Variants in AHCYL1 observed in about 807,000 individuals in gnomAD.
The protein encoded by AHCYL1 is S-adenosylhomocysteine hydrolase-like protein 1.
Under a neutral mutation model 79.3 loss-of-function variants are expected in AHCYL1, and 20 were observed. That is an observed-to-expected ratio of 0.25 (90% CI 0.18 to 0.37). The LOEUF (loss-of-function observed/expected upper bound fraction) is 0.37. Ranked by LOEUF, AHCYL1 falls within the 10% of genes least tolerant of loss-of-function variation. The probability of loss-of-function intolerance (pLI) is 1.00; values close to 1 mark genes in which losing one functional copy is unlikely to be tolerated. For missense variants in AHCYL1, 330 were observed against 673.6 expected, an observed-to-expected ratio of 0.49 and a Z score of 5.65; for synonymous variants, 223 against 242.2, an observed-to-expected ratio of 0.92 and a Z score of 0.74.
chr1:110,017,414 C>T (rs1651487678), intron 9 of AHCYL1, 81 bp from the exon 10 acceptor site: 3 of 1,318,340 alleles, frequency 2.3e-6, no homozygotes, highest in East Asian at 2.3e-5. Flanking sequence ...AAGGTTAATT[C>T]CTGTCTCACA....
chr1:110,003,013 C>T (rs779818343), intron 1 of AHCYL1, among the ~76,000 whole-genome samples: 1 of 151,982 alleles, frequency 6.6e-6, no homozygotes, highest in Non-Finnish European at 1.5e-5. Context: ...ATTGGAGAGA[C>T]TGTTCTAGAT....
rs1650233357 is a variant in AHCYL1, at chr1:110,000,197, G to GA, written c.121-8831dup. ...TCCCCAGTGACCAAAAGAGGAAAAAGAAAAAATCAGTGGCCAATTTGACCA... is the reference window on the plus strand; with the variant it reads ...TCCCCAGTGACCAAAAGAGGAAAAAGAAAAAAATCAGTGGCCAATTTGACCA... On this transcript the variant is annotated intron_variant, in intron 1 of 16. Transcript: ENST00000369799. Among the ~76,000 whole-genome samples the GA allele has an allele frequency of 7.2e-5, 11 of 152,220 alleles. 1 individual carries two copies. The highest frequency in any genetic ancestry group is 7.2e-4 in the Admixed American group (11 of 15,298).
intron 1 of AHCYL1, among the ~76,000 whole-genome samples, chr1:109,998,778 A>G (rs1053764980): frequency 6.6e-6 from 1 of 152,218 alleles, no homozygotes; most frequent in Admixed American, 6.5e-5. Context: ...GAGCCTGGCC[A>G]TAAAAATTCT....
At chr1:110,014,687 C>A in intron 5 of AHCYL1, 76 bp from the exon 6 acceptor site, 1 of 1,123,602 alleles carries the variant, frequency 8.9e-7, no homozygotes, top group Non-Finnish European at 1.3e-6. Flanking sequence ...TTTCTCTTCA[C>A]ATGGATCTCA....
intron 1 of AHCYL1, chr1:110,004,536 T>C (rs1437097893): frequency 2.1e-6 from 2 of 970,648 alleles, no homozygotes; most frequent in Non-Finnish European, 1.2e-6. Context: ...TGAAAGGTAT[T>C]CAGACTTGTG....
At chr1:110,005,523 A>G (rs1650592467) in intron 1 of AHCYL1, among the ~76,000 whole-genome samples, 1 of 152,192 alleles carries the variant, frequency 6.6e-6, no homozygotes. Flanking sequence ...AGCACTGGAT[A>G]CTTAGTTGGT....
Position 110,017,664 on chromosome 1 carries a change from A to AT in AHCYL1, c.1052+86dup. On this transcript the variant is annotated intron_variant, in intron 10 of 16. Transcript: ENST00000369799. ...GAGTTCATAATTGAGTATATTAATC[A>AT]TTTTTGCAGAAATCACCTAGGGGAA... is the stretch of plus-strand genomic sequence containing the variant. 4 of 1,450,384 alleles carry AT rather than the reference A, an allele frequency of 2.8e-6. No individual in the cohort carries two copies. In the East Asian group the frequency reaches 9.1e-5, roughly 33 times the overall value. 89.8% of individuals were successfully genotyped at this position (1,450,384 alleles called of 1,614,324 possible). A position where few individuals can be genotyped will look rare whatever the true frequency, so the allele number is the denominator to read the frequency against.
chr1:109,998,949 C>G (rs890499068), intron 1 of AHCYL1, among the ~76,000 whole-genome samples: 1 of 151,874 alleles, frequency 6.6e-6, no homozygotes, highest in Non-Finnish European at 1.5e-5. Context: ...GCGAAGAGTT[C>G]AAGACTAGCT....
intron 1 of AHCYL1, among the ~76,000 whole-genome samples, chr1:109,990,750 A>G (rs1180042595): frequency 6.6e-6 from 1 of 152,128 alleles, no homozygotes; most frequent in African/African-American, 2.4e-5. Context: ...CGTAATACAT[A>G]ATGCACTCAT....
intron 1 of AHCYL1, among the ~76,000 whole-genome samples, chr1:109,998,214 T>G (rs114588447): frequency 0.018 from 2,714 of 152,334 alleles, 33 homozygotes; most frequent in Admixed American, 0.031. Context: ...ATTTCACACC[T>G]CACTTCCTGG....
intron 1 of AHCYL1, 82 bp from the exon 2 acceptor site, chr1:110,008,952 A>T: frequency 1.8e-6 from 2 of 1,089,158 alleles, no homozygotes; most frequent in South Asian, 3.0e-5. Flanking sequence ...GCTTTTAGGG[A>T]AAGACAATGT....
intron 2 of AHCYL1, among the ~76,000 whole-genome samples, chr1:110,009,662 G>A (rs1342686280): frequency 6.6e-6 from 1 of 152,208 alleles, no homozygotes; most frequent in South Asian, 2.1e-4. Flanking sequence ...GAGCAGGAAA[G>A]ATTCAGACTA....
intron 1 of AHCYL1, among the ~76,000 whole-genome samples, chr1:110,001,190 A>T (rs1570860581): frequency 6.8e-6 from 1 of 147,096 alleles, no homozygotes; most frequent in African/African-American, 2.5e-5. Flanking sequence ...TACAAAATTA[A>T]TTTTTTTTTT....
chr1:110,001,205 G>T lies in AHCYL1; in HGVS notation c.121-7829G>T, dbSNP rs150909702. On this transcript the variant is annotated intron_variant, in intron 1 of 16. Transcript: ENST00000369799. Reference sequence around the variant, plus strand: ...TACAAAATTAATTTTTTTTTTTTTTGAGACGGAGTCTCGCTCTGTTGCCCA... The same window carrying T: ...TACAAAATTAATTTTTTTTTTTTTTTAGACGGAGTCTCGCTCTGTTGCCCA... Among the ~76,000 whole-genome samples the T allele has an allele frequency of 2.0e-3, 264 of 129,386 alleles. 1 individual carries two copies. The highest frequency in any genetic ancestry group is 3.0e-3 in the Non-Finnish European group (179 of 60,462). 84.9% of individuals were successfully genotyped at this position (129,386 alleles called of 152,430 possible).
In AHCYL1 at chr1:110,014,762, G is replaced by A. The variant is rs1235910654; in HGVS notation, c.581-1G>A. ...CAGCTGATTCATTTCTGTCTCTACA[G>A]GAGTTGCAGTGTTCGCTTGGAAGGG... On this transcript the variant is annotated splice_acceptor_variant, in intron 5 of 16. Coordinates refer to ENST00000369799, the MANE Select transcript of AHCYL1 (RefSeq NM_006621.7). LOFTEE classifies it high-confidence loss of function. 6.2e-7 allele frequency: 1 copy of A among 1,613,250 alleles called. No homozygotes were observed. The highest frequency in any genetic ancestry group is 1.3e-5 in the African/African-American group (1 of 75,036).
chr1:110,000,571 C>G (rs567237570), intron 1 of AHCYL1, among the ~76,000 whole-genome samples: 7 of 152,056 alleles, frequency 4.6e-5, no homozygotes, highest in African/African-American at 1.7e-4. Flanking sequence ...TTTTCCTTTA[C>G]CAGTGCTTAC....
At chr1:109,986,324 C>CTT (rs5776998) in intron 1 of AHCYL1, among the ~76,000 whole-genome samples, 2 of 147,604 alleles carry the variant, frequency 1.4e-5, no homozygotes, top group Non-Finnish European at 3.0e-5. Flanking sequence ...AGAGATGGCT[C>CTT]TTTTTTTTTT....
intron 1 of AHCYL1, among the ~76,000 whole-genome samples, chr1:109,997,087 A>G (rs972790849): frequency 1.3e-5 from 2 of 152,198 alleles, no homozygotes; most frequent in Non-Finnish European, 2.9e-5. Flanking sequence ...TAAGCTAAAG[A>G]GTCTATGTTT....
At chr1:110,018,335 C>A (rs754131019) in intron 11 of AHCYL1, 38 bp from the exon 12 acceptor site, 3 of 1,596,258 alleles carry the variant, frequency 1.9e-6, no homozygotes, top group South Asian at 2.2e-5. Context: ...CTTTGTTGCC[C>A]GGCATCTCTT....
Sources: allele counts gnomAD v4.1 joint callset (sites outside exome capture counted in the v4.1 genomes callset), GRCh38; gene constraint gnomAD v4.1.1; transcripts MANE v1.5; gene names NCBI Gene and HGNC (gene_info 2026-07-23, HGNC 2026-07-21).